GBP7: variants seen among roughly 807,000 people sequenced by gnomAD.
GBP7 encodes guanylate-binding protein 7.
GBP7 carries 43 observed loss-of-function variants against 61.3 expected under a neutral mutation model. That is an observed-to-expected ratio of 0.70 (90% CI 0.55 to 0.91). GBP7 has a LOEUF of 0.91. GBP7 is among the 40% of genes least tolerant of loss of function. The pLI is 0.00. For synonymous variants in GBP7, 267 were observed against 271.0 expected, an observed-to-expected ratio of 0.99 and a Z score of 0.14; for missense variants, 717 against 740.5, an observed-to-expected ratio of 0.97 and a Z score of 0.37.
rs374251025 is a variant in GBP7, at chr1:89,150,051, T to C, written c.871+279A>G. Among the ~76,000 whole-genome samples, 55 of 152,340 alleles carry C rather than the reference T, an allele frequency of 3.6e-4. 6 individuals are homozygous for C. The highest frequency in any genetic ancestry group is 8.5e-4 in the Admixed American group (13 of 15,298). On this transcript the variant is annotated intron_variant, in intron 6 of 10. Coordinates refer to ENST00000294671, the MANE Select transcript of GBP7 (RefSeq NM_207398.3). ...GCACTAAAAGACTGCACAGGTAACA[T>C]GTTCATGAAGCCAGCTTTGTTTATA... is the stretch of plus-strand genomic sequence containing the variant.
At chr1:89,135,608 A>T (rs1038684701) in intron 9 of GBP7, among the ~76,000 whole-genome samples, 2 of 152,168 alleles carry the variant, frequency 1.3e-5, no homozygotes, top group African/African-American at 4.8e-5. Flanking sequence ...TAAGGTTCAT[A>T]AGAAAAAAAA....
intron 9 of GBP7, 92 bp from the exon 10 acceptor site, chr1:89,133,543 C>T: frequency 9.7e-7 from 1 of 1,026,440 alleles, no homozygotes; most frequent in Non-Finnish European, 1.5e-6. Context: ...GGAAGAGCTT[C>T]TCCCACTGAG....
intron 3 of GBP7, among the ~76,000 whole-genome samples, chr1:89,153,627 CAAG>C (rs1443695598): frequency 6.6e-6 from 1 of 152,068 alleles, no homozygotes; most frequent in African/African-American, 2.4e-5. Context: ...TCCATAATCA[CAAG>C]AAGATGACTT....
chr1:89,151,391 G>T (rs530519789), intron 5 of GBP7, among the ~76,000 whole-genome samples: 1 of 152,288 alleles, frequency 6.6e-6, no homozygotes, highest in African/African-American at 2.4e-5. Context: ...GAAATGTTGG[G>T]CTTAAAATTT....
chr1:89,136,894 A>G (rs1323592913), intron 9 of GBP7, among the ~76,000 whole-genome samples: 1 of 152,074 alleles, frequency 6.6e-6, no homozygotes, highest in African/African-American at 2.4e-5. Flanking sequence ...CATAAGATGG[A>G]TATACTTCTA....
At chr1:89,174,521 A>G (rs967329530) in intron 1 of GBP7, among the ~76,000 whole-genome samples, 24 of 152,212 alleles carry the variant, frequency 1.6e-4, no homozygotes, top group African/African-American at 5.8e-4. Flanking sequence ...GCTCATGTAT[A>G]TAGTAGTAGT....
chr1:89,139,319 T>A (rs1323800535), intron 9 of GBP7, among the ~76,000 whole-genome samples: 1 of 152,188 alleles, frequency 6.6e-6, no homozygotes, highest in South Asian at 2.1e-4. Flanking sequence ...GACTTAGATG[T>A]TAGACCTAAA....
intron 1 of GBP7, 117 bp from the exon 2 acceptor site, chr1:89,172,071 A>G (rs1647618930): frequency 1.4e-6 from 1 of 721,638 alleles, no homozygotes; most frequent in Non-Finnish European, 2.3e-6. Flanking sequence ...TGCATTTCTA[A>G]GGAGACCTGT....
At chr1:89,132,547 A>T in intron 10 of GBP7, 144 bp from the exon 11 acceptor site, 2 of 645,514 alleles carry the variant, frequency 3.1e-6, no homozygotes, top group East Asian at 5.4e-5. Context: ...ACATTTCCAG[A>T]TGACTGGACC....
rs77749204 is a variant in GBP7, at chr1:89,164,792, G to A, written c.257C>T (p.Pro86Leu). Residue 86 changes from proline (P) to leucine (L), a missense_variant, in exon 3 of 11, where the codon CCC (proline) becomes CTC (leucine). Around this residue, in one of 3 missense-constraint regions of GBP7, gnomAD observed 387 missense variants for 385.2 expected, o/e 1.00. Coordinates refer to ENST00000294671, the MANE Select transcript of GBP7 (RefSeq NM_207398.3). The stretch of plus-strand genomic sequence containing the variant: ...GATCAGGGTGTGGTTTGGCTTGGAG[G>A]GGTGGGGCACACACCACATCCAGAT... ...KGIWMWCVPHPSKPNHTLILL... is the reference protein window; with the variant it reads ...KGIWMWCVPHLSKPNHTLILL... 1 of 1,613,788 alleles carries A rather than the reference G, an allele frequency of 6.2e-7. No individual in the cohort carries two copies. The highest frequency in any genetic ancestry group is 8.5e-7 in the Non-Finnish European group (1 of 1,179,772).
At chr1:89,163,236 T>A (rs142334844) in intron 3 of GBP7, among the ~76,000 whole-genome samples, 1,772 of 152,300 alleles carry the variant, frequency 0.012, 38 homozygotes, top group African/African-American at 0.039. Context: ...TTTGTTGTTG[T>A]ATCTCTTCCA....
chr1:89,159,914 A>T (rs549956273), intron 3 of GBP7, among the ~76,000 whole-genome samples: 3 of 152,354 alleles, frequency 2.0e-5, no homozygotes, highest in African/African-American at 7.2e-5. Context: ...ATGCACACGT[A>T]TGTTTATTTT....
chr1:89,167,421 CTG>C (rs1470048780), intron 2 of GBP7, among the ~76,000 whole-genome samples: 2 of 151,278 alleles, frequency 1.3e-5, no homozygotes, highest in South Asian at 2.1e-4. Context: ...GGTGAGTACT[CTG>C]TGTTTTTTTG....
At chr1:89,166,880 GCA>G (rs939727404) in intron 2 of GBP7, among the ~76,000 whole-genome samples, 29 of 152,338 alleles carry the variant, frequency 1.9e-4, no homozygotes, top group African/African-American at 6.5e-4. Context: ...GCAAGAGCCA[GCA>G]CACATATTAA....
At chr1:89,165,513 A>G (rs113733763) in intron 2 of GBP7, among the ~76,000 whole-genome samples, 3,120 of 151,736 alleles carry the variant, frequency 0.021, 120 homozygotes, top group African/African-American at 0.071. Context: ...AAAAAAAGAA[A>G]AAAAAAAAAA....
At chr1:89,172,003 G>A in intron 1 of GBP7, 49 bp from the exon 2 acceptor site, 4 of 1,306,102 alleles carry the variant, frequency 3.1e-6, no homozygotes, top group Non-Finnish European at 4.4e-6. Context: ...AGTCAGTTGA[G>A]CTGAAATCTA....
At chr1:89,160,419 G>T (rs1682414472) in intron 3 of GBP7, among the ~76,000 whole-genome samples, 1 of 152,120 alleles carries the variant, frequency 6.6e-6, no homozygotes, top group East Asian at 1.9e-4. Context: ...ACTTAGGGAG[G>T]AAGCAAAGTG....
At chr1:89,160,727 C>G (rs979712044) in intron 3 of GBP7, among the ~76,000 whole-genome samples, 1 of 152,030 alleles carries the variant, frequency 6.6e-6, no homozygotes, top group African/African-American at 2.4e-5. Context: ...AGGCTTATTT[C>G]TTTCCTTTCC....
At chr1:89,159,930 T>C (rs1483713901) in intron 3 of GBP7, among the ~76,000 whole-genome samples, 1 of 151,218 alleles carries the variant, frequency 6.6e-6, no homozygotes, top group African/African-American at 2.4e-5. Context: ...ATTTTGGCAC[T>C]ATTCACAACA....
Sources: allele counts gnomAD v4.1 joint callset (sites outside exome capture counted in the v4.1 genomes callset), GRCh38; gene constraint gnomAD v4.1.1; regional missense constraint gnomAD v4.1.1; transcripts MANE v1.5; gene names NCBI Gene and HGNC (gene_info 2026-07-23, HGNC 2026-07-21).